The following NBAS variants were observed in gnomAD, a reference collection of about 807,000 sequenced individuals.
NBAS encodes the protein NAG/BC035112 fusion.
In NBAS, 219 loss-of-function variants were observed where a neutral mutation model predicts 302.5. The ratio of observed to expected loss-of-function variants is 0.72; its 90% confidence interval spans 0.65 to 0.81. NBAS has a LOEUF of 0.81. Ranked by LOEUF, NBAS falls within the 30% of genes least tolerant of loss-of-function variation. The probability of loss-of-function intolerance (pLI) is 0.00; values close to 1 mark genes in which losing one functional copy is unlikely to be tolerated. For synonymous variants in NBAS, 1,118 were observed against 1,021.6 expected (o/e 1.09, Z -1.80); for missense variants, 2,932 against 2,841.6 (o/e 1.03, Z -0.72).
chr2:15,059,214 G>T, the NBAS span, among the ~76,000 whole-genome samples: 1 of 152,128 alleles, frequency 6.6e-6, no homozygotes, highest in African/African-American at 2.4e-5. Context: ...AACTCCAGTG[G>T]GCTCCACAAA....
At chr2:14,799,800 C>A in the NBAS span, among the ~76,000 whole-genome samples, 1 of 152,068 alleles carries the variant, frequency 6.6e-6, no homozygotes, top group South Asian at 2.1e-4. Context: ...ATTGACAATT[C>A]TTTTATTAAA....
At chr2:15,126,978 G>A in the NBAS span, among the ~76,000 whole-genome samples, 1 of 152,176 alleles carries the variant, frequency 6.6e-6, no homozygotes, top group Non-Finnish European at 1.5e-5. Context: ...GGTTTGTCTA[G>A]CTCAGCATAC....
At chr2:15,456,623 T>A (rs7586068) in intron 21 of NBAS, among the ~76,000 whole-genome samples, 92,006 of 152,064 alleles carry the variant, frequency 0.61, 28,824 homozygotes, top group Non-Finnish European at 0.68. Context: ...GAATGCCTAC[T>A]TTCCAGGCAA....
At chr2:15,067,374 G>A in the NBAS span, among the ~76,000 whole-genome samples, 5 of 36,536 alleles carry the variant, frequency 1.4e-4, no homozygotes, top group African/African-American at 3.3e-4. Context: ...AGAAAAGAGA[G>A]GAGAGGAGAG....
the NBAS span, among the ~76,000 whole-genome samples, chr2:15,072,869 C>T: frequency 3.9e-4 from 60 of 152,338 alleles, no homozygotes; most frequent in African/African-American, 1.3e-3. Context: ...AGGCTCATGC[C>T]TGTAACCCCA....
At chr2:15,245,918 A>G (rs1332320301) in intron 44 of NBAS, among the ~76,000 whole-genome samples, 1 of 152,160 alleles carries the variant, frequency 6.6e-6, no homozygotes, top group Non-Finnish European at 1.5e-5. Flanking sequence ...AATCTTAGCT[A>G]AGGGTTGTAC....
chr2:15,393,301 A>T (rs1402668346), intron 28 of NBAS, among the ~76,000 whole-genome samples: 3 of 152,094 alleles, frequency 2.0e-5, no homozygotes, highest in African/African-American at 7.2e-5. Flanking sequence ...CAAAGCATAT[A>T]TCTAATAAAA....
At chr2:15,127,325 C>G in the NBAS span, among the ~76,000 whole-genome samples, 1 of 152,322 alleles carries the variant, frequency 6.6e-6, no homozygotes, top group African/African-American at 2.4e-5. Context: ...TAATTTTCCA[C>G]CCCAAAGTTA....
At chr2:15,349,013 A>G (rs1307193035) in intron 35 of NBAS, among the ~76,000 whole-genome samples, 1 of 152,226 alleles carries the variant, frequency 6.6e-6, no homozygotes, top group East Asian at 1.9e-4. Context: ...CAAGCACAAG[A>G]GCACAAGATA....
chr2:15,388,865 G>C (rs1254485016), intron 28 of NBAS, among the ~76,000 whole-genome samples: 1 of 151,878 alleles, frequency 6.6e-6, no homozygotes, highest in Non-Finnish European at 1.5e-5. Flanking sequence ...ATAACGTCGA[G>C]AGAAAGAAGC....
At chr2:15,234,334 G>T (rs1211371798) in intron 46 of NBAS, among the ~76,000 whole-genome samples, 4 of 152,174 alleles carry the variant, frequency 2.6e-5, no homozygotes, top group African/African-American at 9.7e-5. Flanking sequence ...AAATTACATA[G>T]CTTAAGATGT....
chr2:15,524,418 G>A (rs139192585), intron 9 of NBAS, among the ~76,000 whole-genome samples: 97 of 152,300 alleles, frequency 6.4e-4, no homozygotes, highest in African/African-American at 2.3e-3. Flanking sequence ...CTTATTACAT[G>A]TCCCGGTCCA....
the NBAS span, among the ~76,000 whole-genome samples, chr2:15,044,548 G>A: frequency 6.6e-6 from 1 of 152,208 alleles, no homozygotes; most frequent in African/African-American, 2.4e-5. Flanking sequence ...GAATGTCAGG[G>A]TTCTTTCCTA....
At chr2:15,406,975 T>C (rs934536852) in intron 25 of NBAS, among the ~76,000 whole-genome samples, 6 of 152,150 alleles carry the variant, frequency 3.9e-5, no homozygotes, top group Non-Finnish European at 7.4e-5. Flanking sequence ...AAAGAAAAAT[T>C]TGGCTACATC....
intron 35 of NBAS, among the ~76,000 whole-genome samples, chr2:15,340,367 T>C (rs1028523324): frequency 2.0e-5 from 3 of 152,258 alleles, no homozygotes; most frequent in East Asian, 1.9e-4. Flanking sequence ...AAAAGATTTA[T>C]GGTACGAACA....
chr2:15,173,289 A>G (rs190847394), intron 51 of NBAS, among the ~76,000 whole-genome samples: 1 of 152,318 alleles, frequency 6.6e-6, no homozygotes, highest in African/African-American at 2.4e-5. Context: ...TAGGTAATGA[A>G]CCTTCTCTGA....
chr2:15,376,130 C>T (rs1674724980), intron 30 of NBAS, among the ~76,000 whole-genome samples: 1 of 152,084 alleles, frequency 6.6e-6, no homozygotes, highest in Non-Finnish European at 1.5e-5. Flanking sequence ...ATATCTATTG[C>T]TTCCTCAACA....
chr2:15,203,890 TTGTGTGTGTG>T lies in NBAS; in HGVS notation c.6433-13497_6433-13488del, dbSNP rs143962413. ...TGTGTCTGTGTGTGTGTGTGTGTGC[TTGTGTGTGTG>T]TGTGTGTGTGTGTGTGTGTGTGTGT... On this transcript the variant is annotated intron_variant, in intron 48 of 51. Coordinates refer to ENST00000281513, the MANE Select transcript of NBAS (RefSeq NM_015909.4). Among the ~76,000 whole-genome samples the T allele has an allele frequency of 7.3e-3, 941 of 129,532 alleles. 10 individuals carry two copies. The highest frequency in any genetic ancestry group is 0.023 in the African/African-American group (819 of 35,990). 85.0% of individuals were successfully genotyped at this position (129,532 alleles called of 152,430 possible).
chr2:15,457,469 C>T (rs536450694), intron 21 of NBAS, among the ~76,000 whole-genome samples: 3 of 151,988 alleles, frequency 2.0e-5, no homozygotes, highest in South Asian at 2.1e-4. Flanking sequence ...TTGCTATTGA[C>T]GAGAAAAAAG....
Sources: gnomAD v4.1 joint callset for allele counts (sites outside exome capture counted in the v4.1 genomes callset) on GRCh38, gnomAD v4.1.1 for gene constraint, MANE v1.5 for transcripts, NCBI Gene and HGNC (gene_info 2026-07-23, HGNC 2026-07-21) for gene names.